Variants in UBE2O observed in about 807,000 individuals in gnomAD.
UBE2O encodes the protein (E3-independent) E2 ubiquitin-conjugating enzyme.
A neutral mutation model predicts 125.8 loss-of-function variants in UBE2O; 15 were observed. The ratio of observed to expected loss-of-function variants is 0.12; its 90% CI spans 0.08 to 0.18. The LOEUF is 0.18. Among genes scored for constraint, UBE2O ranks in the 10% least tolerant of loss-of-function variants. UBE2O has a pLI of 1.00. For missense variants in UBE2O, 1,280 were observed against 1,723.6 expected, an observed-to-expected ratio of 0.74 and a Z score of 4.56; for synonymous variants, 708 against 703.2, an observed-to-expected ratio of 1.01 and a Z score of -0.11.
At position 76,395,699 on chromosome 17, in the gene UBE2O, C is replaced by G. The variant is rs748403647; in HGVS notation, c.2946+26G>C. ...ACTGGGTGCCCACACAGCACATCTG[C>G]ACCTGCCCATGCCAAGCCTACTTGC... On this transcript the variant is annotated intron_variant, in intron 15 of 17. Transcript: ENST00000319380. The surrounding 1 kb of genome is among the most constrained non-coding windows in gnomAD (Gnocchi z 5.0). 5.0e-6 allele frequency: 8 copies of G among 1,608,514 alleles called. No individual in the cohort carries two copies. In the African/African-American group the frequency reaches 8.0e-5, roughly 16 times the overall value.
chr17:76,416,190 ATATGTG>A (rs548184355), intron 1 of UBE2O, among the ~76,000 whole-genome samples: 94 of 151,854 alleles, frequency 6.2e-4, no homozygotes, highest in African/African-American at 2.2e-3. Flanking sequence ...GTGTATATGT[ATATGTG>A]TATATGTGTG....
In UBE2O at chr17:76,419,553, T is replaced by C. The variant is rs577083283; in HGVS notation, c.418-13981A>G. On this transcript the variant is annotated intron_variant, in intron 1 of 17. Coordinates refer to ENST00000319380, the MANE Select transcript of UBE2O (RefSeq NM_022066.4). ...CACACCCTTCCTGTGGTCCAGCCCT[T>C]GGGAAAGACACAGAGGCACCAGGTC... Among the ~76,000 whole-genome samples, 48 of 152,144 alleles carry C rather than the reference T, an allele frequency of 3.2e-4. No homozygotes were observed. In the South Asian group the frequency reaches 7.3e-3, roughly 23 times the overall value.
chr17:76,442,803 G>A (rs2073094305), intron 1 of UBE2O, among the ~76,000 whole-genome samples: 1 of 152,168 alleles, frequency 6.6e-6, no homozygotes, highest in Non-Finnish European at 1.5e-5. Context: ...GTCAGTTGGC[G>A]GCAGCGCTGT....
At position 76,430,731 on chromosome 17, in the gene UBE2O, G is replaced by A. The variant is rs73363350; in HGVS notation, c.417+21994C>T. ...GTAATACATGGTTTCACAATCCTCA[G>A]CATGTTAACTGAAGGTCTGCTGAAC... On this transcript the variant is annotated intron_variant, in intron 1 of 17. Coordinates refer to ENST00000319380, the MANE Select transcript of UBE2O (RefSeq NM_022066.4). The A allele has an allele frequency of 4.2e-3, 1,069 of 257,056 alleles. 13 individuals are homozygous for A. The highest frequency in any genetic ancestry group is 0.022 in the African/African-American group (985 of 43,850). 15.9% of individuals were successfully genotyped at this position (257,056 alleles called of 1,614,324 possible).
chr17:76,406,283 C>A (rs2072416704), intron 1 of UBE2O, among the ~76,000 whole-genome samples: 1 of 152,222 alleles, frequency 6.6e-6, no homozygotes, highest in African/African-American at 2.4e-5. Context: ...ACGTGATGCT[C>A]CCACCAGGCC....
Position 76,402,678 on chromosome 17 carries a change from T to C in UBE2O, c.610A>G (p.Ile204Val). The part of the protein sequence containing the change: ...HIWPFMYGDY[I>V]AYDCWLGKVY... ...TTCCCCAGCCAGCAGTCATAGGCAA[T>C]GTAGTCCCCATACATGAAGGGCTGC... The change falls in exon 4 of 18, where the codon ATT becomes GTT. Residue 204 changes from isoleucine to valine, a missense_variant. Physicochemically the swap from Ile to Val is conservative, Grantham distance 29 (BLOSUM62 3). This residue lies in a region of UBE2O where 206 missense variants were observed against 315.7 expected (regional missense o/e 0.65). Coordinates refer to ENST00000319380, the MANE Select transcript of UBE2O (RefSeq NM_022066.4). This position sits in a 1 kb window ranked among gnomAD's most constrained non-coding sequence, Gnocchi z 5.4. 1.2e-6 allele frequency: 2 copies of C among 1,614,080 alleles called. No individual in the cohort carries two copies. The highest frequency in any genetic ancestry group is 1.7e-6 in the Non-Finnish European group (2 of 1,180,002).
chr17:76,430,018 C>T (rs1335294074), intron 1 of UBE2O, among the ~76,000 whole-genome samples: 1 of 152,150 alleles, frequency 6.6e-6, no homozygotes, highest in Non-Finnish European at 1.5e-5. Context: ...AATCATAATC[C>T]CTCTGCTTTT....
Position 76,391,670 on chromosome 17 carries a change from AC to A in UBE2O, c.3209-58del, listed in dbSNP as rs1212658661. 1.2e-6 allele frequency: 2 copies of A among 1,602,946 alleles called. No individual in the cohort carries two copies. The highest frequency in any genetic ancestry group is 2.7e-5 in the African/African-American group (2 of 74,842). The stretch of plus-strand genomic sequence containing the variant: ...TGAGAGAGGCCCACAATGCAGGCCT[AC>A]CCTCCACCTGCCAGGGGGACTATCA... On this transcript the variant is annotated intron_variant, in intron 17 of 17. Coordinates refer to ENST00000319380, the MANE Select transcript of UBE2O (RefSeq NM_022066.4). The surrounding 1 kb of genome is among the most constrained non-coding windows in gnomAD (Gnocchi z 8.4).
chr17:76,400,630 G>T lies in UBE2O; in HGVS notation c.895-80C>A. On this transcript the variant is annotated intron_variant, in intron 6 of 17. Coordinates refer to ENST00000319380, the MANE Select transcript of UBE2O (RefSeq NM_022066.4). This position sits in a 1 kb window ranked among gnomAD's most constrained non-coding sequence, Gnocchi z 4.3. ...TTAGCCAGCTGCCCAAAGCCCACTT[G>T]ACCTCCAGAGCAGGAAACTGATCTT... 1 of 939,884 alleles carries T rather than the reference G, an allele frequency of 1.1e-6. No homozygotes were observed. 58.2% of individuals were successfully genotyped at this position (939,884 alleles called of 1,614,324 possible).
chr17:76,444,201 A>T (rs1359027965), intron 1 of UBE2O, among the ~76,000 whole-genome samples: 1 of 152,182 alleles, frequency 6.6e-6, no homozygotes, highest in Non-Finnish European at 1.5e-5. Flanking sequence ...AGCCTGGGCG[A>T]CAGACTGAGA....
chr17:76,396,603 T>G lies in UBE2O; in HGVS notation c.2334A>C (p.Glu778Asp), dbSNP rs758047273. The G allele has an allele frequency of 6.2e-7, 1 of 1,610,242 alleles. No individual in the cohort carries two copies. Among genetic ancestry groups the G allele is most frequent in the South Asian group, 1.1e-5 (1 of 90,742 alleles). The change falls in exon 14 of 18, where the codon GAA becomes GAC. Residue 778 changes from glutamate (E) to aspartate (D), a missense_variant. Physicochemically the swap from Glu to Asp is conservative, Grantham distance 45. Around this residue, in one of 10 missense-constraint regions of UBE2O, gnomAD observed 210 missense variants for 268.9 expected, o/e 0.78. Transcript: ENST00000319380. This position sits in a 1 kb window ranked among gnomAD's most constrained non-coding sequence, Gnocchi z 6.7. The part of the protein sequence containing the change: ...APEDKGVVIS[E>D]EAATAAVQGA... ...CCTGGACGGCAGCTGTGGCTGCCTCTTCACTGATCACCACTCCCTTGTCCT... is the reference window on the plus strand; with the variant it reads ...CCTGGACGGCAGCTGTGGCTGCCTCGTCACTGATCACCACTCCCTTGTCCT...
intron 1 of UBE2O, among the ~76,000 whole-genome samples, chr17:76,423,542 A>C (rs2072743537): frequency 6.6e-6 from 1 of 151,532 alleles, no homozygotes; most frequent in African/African-American, 2.4e-5. Flanking sequence ...AAATACAAAA[A>C]ATTAGCCAGG....
At chr17:76,403,092 G>A (rs2072357031) in intron 3 of UBE2O, among the ~76,000 whole-genome samples, 1 of 152,136 alleles carries the variant, frequency 6.6e-6, no homozygotes, top group African/African-American at 2.4e-5. Context: ...CATGGACAGT[G>A]CTCTGAGTAA....
intron 1 of UBE2O, among the ~76,000 whole-genome samples, chr17:76,416,453 A>G (rs568242248): frequency 6.6e-6 from 1 of 152,052 alleles, no homozygotes; most frequent in Non-Finnish European, 1.5e-5. Flanking sequence ...GCTTCTGGGA[A>G]AATTTGGGGG....
Position 76,391,891 on chromosome 17 carries a change from G to A in UBE2O, c.3150+19C>T, listed in dbSNP as rs149251073. On this transcript the variant is annotated intron_variant, in intron 16 of 17. Coordinates refer to ENST00000319380, the MANE Select transcript of UBE2O (RefSeq NM_022066.4). The surrounding 1 kb of genome is among the most constrained non-coding windows in gnomAD (Gnocchi z 8.4). ...TGGCTCTTCCTCCTTCTTGGCTGGG[G>A]GCCTGGCCCTATACTCACCTTTCCA... 1.2e-6 allele frequency: 2 copies of A among 1,613,670 alleles called. No individual in the cohort carries two copies. The highest frequency in any genetic ancestry group is 4.5e-5 in the East Asian group (2 of 44,876).
Position 76,452,578 on chromosome 17 carries a change from G to C in UBE2O, c.417+147C>G. 1.4e-6 allele frequency: 1 copy of C among 718,780 alleles called. No individual in the cohort carries two copies. Among genetic ancestry groups the C allele is most frequent in the Non-Finnish European group, 2.0e-6 (1 of 508,272 alleles). The allele number at this position is 718,780 out of a possible 1,614,324, so 44.5% of individuals were successfully genotyped here. A position where few individuals can be genotyped will look rare whatever the true frequency, so the allele number is the denominator to read the frequency against. On this transcript the variant is annotated intron_variant, in intron 1 of 17. Coordinates refer to ENST00000319380, the MANE Select transcript of UBE2O (RefSeq NM_022066.4). This position sits in a 1 kb window ranked among gnomAD's most constrained non-coding sequence, Gnocchi z 4.4. ...AGAGCTGCTGCAATGACTTTGCATG[G>C]AGTGTACCCTCCACTGGGGCTGTCC...
chr17:76,421,067 G>A (rs1329729797), intron 1 of UBE2O, among the ~76,000 whole-genome samples: 4 of 152,186 alleles, frequency 2.6e-5, no homozygotes, highest in Non-Finnish European at 1.5e-5. Flanking sequence ...AAAAGGCATG[G>A]ATGGGAAAGT....
In UBE2O at chr17:76,402,953, G is replaced by T. The variant is rs1190896332; in HGVS notation, c.589-254C>A. Among the ~76,000 whole-genome samples the T allele has an allele frequency of 6.6e-6, 1 of 152,100 alleles. No individual in the cohort carries two copies. The highest frequency in any genetic ancestry group is 2.4e-5 in the African/African-American group (1 of 41,390). ...GGGGCTGCCTGGAGGGAACGGGGTG[G>T]GTGATGCAGGGGCAGAGAGGCCTGA... On this transcript the variant is annotated intron_variant, in intron 3 of 17. Transcript: ENST00000319380. The surrounding 1 kb of genome is among the most constrained non-coding windows in gnomAD (Gnocchi z 5.4).
At chr17:76,420,938 C>G (rs1598606035) in intron 1 of UBE2O, among the ~76,000 whole-genome samples, 1 of 152,132 alleles carries the variant, frequency 6.6e-6, no homozygotes, top group African/African-American at 2.4e-5. Context: ...CTTTCTTCAG[C>G]CCCCCACATC....
Sources: allele counts gnomAD v4.1 joint callset (sites outside exome capture counted in the v4.1 genomes callset), GRCh38; gene constraint gnomAD v4.1.1; regional missense constraint gnomAD v4.1.1; non-coding constraint Gnocchi (gnomAD v3.1); transcripts MANE v1.5; gene names NCBI Gene and HGNC (gene_info 2026-07-23, HGNC 2026-07-21).